RIMS3: variants seen among roughly 807,000 people sequenced by gnomAD.
RIMS3 encodes regulating synaptic membrane exocytosis 3.
A neutral mutation model predicts 29.2 loss-of-function variants in RIMS3; 15 were observed. That is an observed-to-expected ratio of 0.51 (90% CI 0.34 to 0.79). The LOEUF (loss-of-function observed/expected upper bound fraction) is 0.79. Ranked by LOEUF, RIMS3 falls within the 30% of genes least tolerant of loss-of-function variation. RIMS3 has a pLI of 0.01. For missense variants in RIMS3, 342 were observed against 421.4 expected (o/e 0.81, Z 1.65); for synonymous variants, 161 against 170.1 (o/e 0.95, Z 0.41).
chr1:40,662,829 G>A (rs1446982756), intron 1 of RIMS3, among the ~76,000 whole-genome samples: 1 of 152,216 alleles, frequency 6.6e-6, no homozygotes, highest in Non-Finnish European at 1.5e-5. Context: ...TTTTCCAGAG[G>A]AGACTGAGAC....
intron 2 of RIMS3, among the ~76,000 whole-genome samples, chr1:40,642,417 A>G (rs1646564692): frequency 6.6e-6 from 1 of 152,206 alleles, no homozygotes; most frequent in African/African-American, 2.4e-5. Context: ...ATTGGTGGTT[A>G]TTATTTTCAT....
chr1:40,633,060 A>G lies in RIMS3; in HGVS notation c.472+9T>C. ...TTACCCCACTCAACCTGCCCTTAAT[A>G]AGACTCACCCATGGGTGGTGTTGCC... On this transcript the variant is annotated intron_variant, in intron 5 of 7. Transcript: ENST00000372684. 1 of 1,611,268 alleles carries G rather than the reference A, an allele frequency of 6.2e-7. No homozygotes were observed. The highest frequency in any genetic ancestry group is 8.5e-7 in the Non-Finnish European group (1 of 1,177,368).
At chr1:40,684,815 C>T in the RIMS3 span, among the ~76,000 whole-genome samples, 1 of 152,182 alleles carries the variant, frequency 6.6e-6, no homozygotes, top group Non-Finnish European at 1.5e-5. Flanking sequence ...GATCAGTTTG[C>T]TCTGTGGGTA....
chr1:40,623,541 T>C lies in RIMS3; in HGVS notation c.*2976A>G. 1 of 398,700 alleles carries C rather than the reference T, an allele frequency of 2.5e-6. No homozygotes were observed. Among genetic ancestry groups the C allele is most frequent in the Non-Finnish European group, 4.4e-6 (1 of 226,136 alleles). 24.7% of individuals were successfully genotyped at this position (398,700 alleles called of 1,614,324 possible). A position where few individuals can be genotyped will look rare whatever the true frequency, so the allele number is the denominator to read the frequency against. Reference sequence around the variant, plus strand: ...GGAGGTGGAATGACAAAGAGCTCCATTCCTGTAACCACTGCAGGGTTTCAT... The same window carrying C: ...GGAGGTGGAATGACAAAGAGCTCCACTCCTGTAACCACTGCAGGGTTTCAT... On this transcript the variant is annotated 3_prime_UTR_variant, in exon 8 of 8. Transcript: ENST00000372684.
the RIMS3 span, chr1:40,690,315 T>G: frequency 6.6e-6 from 1 of 152,188 alleles, no homozygotes; most frequent in Non-Finnish European, 1.5e-5. Context: ...CTCTTGAATC[T>G]GTTTTTAATT....
chr1:40,633,373 G>T (rs1646501501), intron 4 of RIMS3, among the ~76,000 whole-genome samples, 192 bp from the exon 5 acceptor site: 1 of 152,240 alleles, frequency 6.6e-6, no homozygotes, highest in African/African-American at 2.4e-5. Context: ...GCATACTGAA[G>T]AAAAATACTT....
chr1:40,668,163 A>C (rs1642447321), upstream of RIMS3, among the ~76,000 whole-genome samples: 1 of 151,622 alleles, frequency 6.6e-6, no homozygotes. Flanking sequence ...AGGCAGGAGA[A>C]TCGCTTGAAC....
chr1:40,639,525 A>G (rs527501005), intron 3 of RIMS3, among the ~76,000 whole-genome samples: 8 of 152,306 alleles, frequency 5.3e-5, no homozygotes, highest in Non-Finnish European at 1.0e-4. Flanking sequence ...GAGTGCCTAT[A>G]CTATGTGCCA....
At chr1:40,637,938 T>A (rs1487513588) in intron 3 of RIMS3, among the ~76,000 whole-genome samples, 1 of 152,152 alleles carries the variant, frequency 6.6e-6, no homozygotes, top group Admixed American at 6.5e-5. Flanking sequence ...CGCCTTCATA[T>A]CTCTACCCCA....
At chr1:40,642,983 A>G (rs1314739817) in intron 2 of RIMS3, among the ~76,000 whole-genome samples, 1 of 152,124 alleles carries the variant, frequency 6.6e-6, no homozygotes, top group Non-Finnish European at 1.5e-5. Flanking sequence ...TTATATCATA[A>G]GCATTTCCCA....
Position 40,654,405 on chromosome 1 carries a change from C to T in RIMS3, c.-206-6563G>A, listed in dbSNP as rs1166754263. Among the ~76,000 whole-genome samples, 2 of 152,190 alleles carry T rather than the reference C, an allele frequency of 1.3e-5. No individual in the cohort carries two copies. The highest frequency in any genetic ancestry group is 2.4e-5 in the African/African-American group (1 of 41,428). On this transcript the variant is annotated intron_variant, in intron 1 of 7. Coordinates refer to ENST00000372684, the MANE Select transcript of RIMS3 (RefSeq NM_014747.3). This position sits in a 1 kb window ranked among gnomAD's most constrained non-coding sequence, Gnocchi z 5.3. ...CGGACCCTTTCAGGGCACAAAGACC[C>T]GCACGCAAGCCATACACCTCCGGTT...
chr1:40,657,534 C>A (rs1435593000), intron 1 of RIMS3, among the ~76,000 whole-genome samples: 1 of 152,048 alleles, frequency 6.6e-6, no homozygotes, highest in African/African-American at 2.4e-5. Flanking sequence ...TTGCTTGAGC[C>A]CAGGAGTTGG....
chr1:40,680,371 G>A, the RIMS3 span, among the ~76,000 whole-genome samples: 7 of 137,776 alleles, frequency 5.1e-5, no homozygotes, highest in African/African-American at 1.6e-4. Context: ...TCATTCTGTC[G>A]CCCAGGCTGG....
intron 1 of RIMS3, among the ~76,000 whole-genome samples, chr1:40,652,399 C>A (rs554747102): frequency 6.6e-6 from 1 of 152,280 alleles, no homozygotes; most frequent in South Asian, 2.1e-4. Flanking sequence ...CATGGACCAC[C>A]CAAGGCACTG....
upstream of RIMS3, among the ~76,000 whole-genome samples, chr1:40,668,187 G>T (rs150062975): frequency 4.9e-3 from 737 of 150,094 alleles, 5 homozygotes; most frequent in African/African-American, 0.018. Flanking sequence ...GGAGGCGGAG[G>T]TTGCAGTGAA....
intron 1 of RIMS3, among the ~76,000 whole-genome samples, chr1:40,656,895 A>T (rs1402361508): frequency 6.6e-6 from 1 of 152,134 alleles, no homozygotes; most frequent in East Asian, 1.9e-4. Flanking sequence ...TACGTGAGCT[A>T]ATGTTAAGAA....
chr1:40,637,494 T>TCATACACATACA (rs1646527891), intron 3 of RIMS3, among the ~76,000 whole-genome samples: 1 of 151,454 alleles, frequency 6.6e-6, no homozygotes, highest in Non-Finnish European at 1.5e-5. Flanking sequence ...TCTGTCTCTC[T>TCATACACATACA]CATACACACA....
At chr1:40,650,727 G>A (rs542389599) in intron 1 of RIMS3, among the ~76,000 whole-genome samples, 7 of 151,798 alleles carry the variant, frequency 4.6e-5, no homozygotes, top group African/African-American at 1.7e-4. Flanking sequence ...TTAGCCTGAT[G>A]TGATGGCACA....
At chr1:40,627,354 G>A (rs1217085202) in intron 7 of RIMS3, among the ~76,000 whole-genome samples, 3 of 151,918 alleles carry the variant, frequency 2.0e-5, no homozygotes, top group African/African-American at 2.4e-5. Flanking sequence ...TCAGCCTCCC[G>A]AGTAGCTGGG....
Sources: gnomAD v4.1 joint callset for allele counts (sites outside exome capture counted in the v4.1 genomes callset) on GRCh38, gnomAD v4.1.1 for gene constraint, Gnocchi (gnomAD v3.1) non-coding constraint, MANE v1.5 for transcripts, NCBI Gene and HGNC (gene_info 2026-07-23, HGNC 2026-07-21) for gene names.